CNKSR3: variants seen among roughly 807,000 people sequenced by gnomAD.
The protein encoded by CNKSR3 is connector enhancer of kinase suppressor of ras 3.
CNKSR3 carries 36 observed loss-of-function variants against 67.7 expected under a neutral mutation model. That is an observed-to-expected ratio of 0.53 (90% CI 0.41 to 0.70). CNKSR3 has a LOEUF of 0.70. Among genes scored for constraint, CNKSR3 ranks in the 30% least tolerant of loss-of-function variants. The pLI is 0.00. For missense variants in CNKSR3, 630 were observed against 695.2 expected (o/e 0.91, Z 1.05); for synonymous variants, 281 against 271.4 (o/e 1.04, Z -0.35).
chr6:154,445,124 TTA>T (rs768007161), intron 2 of CNKSR3, among the ~76,000 whole-genome samples: 13 of 152,248 alleles, frequency 8.5e-5, no homozygotes, highest in Non-Finnish European at 1.5e-4. Flanking sequence ...AAGTTTAAAT[TTA>T]TGTTACCTCC....
intron 9 of CNKSR3, among the ~76,000 whole-genome samples, chr6:154,415,228 AT>A (rs35873703): frequency 0.16 from 19,038 of 117,748 alleles, 2,061 homozygotes; most frequent in East Asian, 0.28. Context: ...CTAGCTGCCC[AT>A]TTTTTTTTTT....
intron 1 of CNKSR3, among the ~76,000 whole-genome samples, chr6:154,486,013 C>T (rs1454611288): frequency 6.6e-6 from 1 of 152,172 alleles, no homozygotes; most frequent in East Asian, 1.9e-4. Context: ...GTATTACTGC[C>T]ACACCCACCA....
intron 1 of CNKSR3, among the ~76,000 whole-genome samples, chr6:154,481,420 T>C (rs12199719): frequency 0.25 from 38,581 of 152,088 alleles, 6,021 homozygotes; most frequent in Non-Finnish European, 0.35. Context: ...GATATTTATC[T>C]ATTTTATTTA....
intron 10 of CNKSR3, among the ~76,000 whole-genome samples, chr6:154,413,874 A>G (rs182041837): frequency 7.9e-5 from 12 of 152,164 alleles, no homozygotes; most frequent in African/African-American, 2.2e-4. Flanking sequence ...CAACCTCCTG[A>G]GTAGCTGGGA....
intron 1 of CNKSR3, among the ~76,000 whole-genome samples, chr6:154,468,912 T>C (rs2114624634): frequency 6.6e-6 from 1 of 152,218 alleles, no homozygotes; most frequent in South Asian, 2.1e-4. Context: ...TCCCAGCACT[T>C]TGGGAGGCTA....
intron 12 of CNKSR3, 68 bp from the exon 13 acceptor site, chr6:154,406,720 C>T (rs1276438382): frequency 1.5e-5 from 22 of 1,427,152 alleles, no homozygotes; most frequent in Non-Finnish European, 2.0e-5. Flanking sequence ...CTGTAATCTC[C>T]GCACTTTGGG....
At chr6:154,448,776 TAAG>T (rs1156493181) in intron 2 of CNKSR3, among the ~76,000 whole-genome samples, 3 of 152,194 alleles carry the variant, frequency 2.0e-5, no homozygotes, top group Non-Finnish European at 4.4e-5. Flanking sequence ...CTGTCCATTT[TAAG>T]AAGAAGAATA....
At position 154,430,481 on chromosome 6, in the gene CNKSR3, C is replaced by T. The variant is rs1470920515; in HGVS notation, c.660G>A (p.Gly220=). The change falls in exon 6 of 13, where the codon GGG becomes GGA. Residue 220 remains glycine, a synonymous_variant. Transcript: ENST00000607772. Reference sequence around the variant, plus strand: ...TGTTATTAGAACTTACCAGGCCTTCCCCAGGTTTAATGTTTGGTAAGTGAA... The same window carrying T: ...TGTTATTAGAACTTACCAGGCCTTCTCCAGGTTTAATGTTTGGTAAGTGAA... ...EEVHLPNIKP[G]EGLGMYIKST... 7.5e-6 allele frequency: 12 copies of T among 1,609,392 alleles called. No individual in the cohort carries two copies. The highest frequency in any genetic ancestry group is 1.0e-5 in the Non-Finnish European group (12 of 1,178,436).
intron 9 of CNKSR3, chr6:154,414,646 G>A: frequency 1.6e-6 from 1 of 611,640 alleles, no homozygotes; most frequent in Admixed American, 2.1e-5. Flanking sequence ...GCAAGAAGCA[G>A]AGGCTTAGGA....
At chr6:154,509,097 AAAAC>A (rs1321979895) in intron 1 of CNKSR3, among the ~76,000 whole-genome samples, 2 of 152,164 alleles carry the variant, frequency 1.3e-5, no homozygotes, top group Non-Finnish European at 1.5e-5. Flanking sequence ...AGCAGATAGA[AAAAC>A]AAATAGTAAC....
At chr6:154,496,474 C>G (rs1582903893) in intron 1 of CNKSR3, among the ~76,000 whole-genome samples, 1 of 142,412 alleles carries the variant, frequency 7.0e-6, no homozygotes, top group African/African-American at 2.5e-5. Context: ...GAAGCACCAT[C>G]TGATTGCTTT....
rs1784771459 is a variant in CNKSR3 at position 154,405,578 on chromosome 6, C to A, written c.*776G>T. 1 of 152,198 alleles carries A rather than the reference C, an allele frequency of 6.6e-6. No individual in the cohort carries two copies. The highest frequency in any genetic ancestry group is 2.4e-5 in the African/African-American group (1 of 41,448). 9.4% of individuals were successfully genotyped at this position (152,198 alleles called of 1,614,324 possible). A position where few individuals can be genotyped will look rare whatever the true frequency, so the allele number is the denominator to read the frequency against. ...GCAAACTCATGTATCTTTCATCAAC[C>A]TAAATCTTGTTGCTTCACTTTTCTA... On this transcript the variant is annotated 3_prime_UTR_variant, in exon 13 of 13. Transcript: ENST00000607772.
intron 1 of CNKSR3, among the ~76,000 whole-genome samples, chr6:154,463,365 G>A (rs991874809): frequency 8.5e-5 from 13 of 152,102 alleles, no homozygotes; most frequent in Admixed American, 3.9e-4. Flanking sequence ...GAGCCACCGC[G>A]CCCGGCTTCA....
Position 154,422,644 on chromosome 6 carries a change from C to T in CNKSR3, c.807G>A (p.Trp269Ter). ...IQVNQQTVVGWQLKNLVKKLR... is the reference protein window; with the variant it reads ...IQVNQQTVVG ...ATTTCTTCACCAGATTTTTCAGCTG[C>T]CATCCCACCTTCAAAGAAAGCAAAT... The change falls in exon 9 of 13, where the codon TGG becomes TGA. Residue 269 changes from tryptophan to a stop codon, truncating the protein, a stop_gained. Transcript: ENST00000607772. LOFTEE classifies it high-confidence loss of function. 1.2e-6 allele frequency: 2 copies of T among 1,613,284 alleles called. No homozygotes were observed.
chr6:154,421,987 C>CTTTTTTTTTTTTTTTT (rs34269095), intron 9 of CNKSR3, among the ~76,000 whole-genome samples: 1 of 127,338 alleles, frequency 7.9e-6, no homozygotes, highest in Non-Finnish European at 1.7e-5. Context: ...TCATTTCATT[C>CTTTTTTTTTTTTTTTT]TTTTTTTTTT....
intron 7 of CNKSR3, among the ~76,000 whole-genome samples, chr6:154,423,729 T>C (rs1785195291): frequency 6.6e-6 from 1 of 152,196 alleles, no homozygotes. Flanking sequence ...AATGTTGTTC[T>C]CATTCTATCT....
At chr6:154,423,111 GCACTTT>G in intron 7 of CNKSR3, 128 bp from the exon 8 acceptor site, 1 of 625,248 alleles carries the variant, frequency 1.6e-6, no homozygotes, top group Non-Finnish European at 2.8e-6. Context: ...ATAAAACAAT[GCACTTT>G]ATTCCCCTGA....
intron 4 of CNKSR3, among the ~76,000 whole-genome samples, chr6:154,435,963 C>T (rs144256467): frequency 1.3e-3 from 194 of 152,114 alleles, no homozygotes; most frequent in African/African-American, 4.1e-3. Flanking sequence ...GCTGAGAATT[C>T]GGTGTGATGG....
intron 8 of CNKSR3, 69 bp from the exon 9 acceptor site, chr6:154,422,721 T>C: frequency 6.5e-7 from 1 of 1,539,786 alleles, no homozygotes; most frequent in South Asian, 1.1e-5. Flanking sequence ...CCTATGAATT[T>C]ATCTCAGGGC....
Sources: gnomAD v4.1 joint callset for allele counts (sites outside exome capture counted in the v4.1 genomes callset) on GRCh38, gnomAD v4.1.1 for gene constraint, MANE v1.5 for transcripts, NCBI Gene and HGNC (gene_info 2026-07-23, HGNC 2026-07-21) for gene names.